Variants in RPS6KC1 observed in about 807,000 individuals in gnomAD.
RPS6KC1 encodes ribosomal protein S6 kinase C1.
RPS6KC1 carries 54 observed loss-of-function variants against 103.8 expected under a neutral mutation model. That is an observed-to-expected ratio of 0.52 (90% CI 0.42 to 0.65). The LOEUF is 0.65. Ranked by LOEUF, RPS6KC1 falls within the 30% of genes least tolerant of loss-of-function variation. The pLI is 0.00. For missense variants in RPS6KC1, 1,151 were observed against 1,253.8 expected (o/e 0.92, Z 1.24); for synonymous variants, 439 against 438.7 (o/e 1.00, Z -0.01).
At chr1:213,642,914 T>C in the RPS6KC1 span, among the ~76,000 whole-genome samples, 1 of 151,964 alleles carries the variant, frequency 6.6e-6, no homozygotes, top group African/African-American at 2.4e-5. Context: ...AAATATTTTA[T>C]CATTTTTCTA....
chr1:213,675,458 G>T, the RPS6KC1 span, among the ~76,000 whole-genome samples: 68 of 152,280 alleles, frequency 4.5e-4, 1 homozygote, highest in South Asian at 0.014. Flanking sequence ...TATGGCAAAA[G>T]GTAGGGGTCC....
At chr1:213,303,083 A>G in the RPS6KC1 span, among the ~76,000 whole-genome samples, 1 of 152,146 alleles carries the variant, frequency 6.6e-6, no homozygotes, top group Non-Finnish European at 1.5e-5. Context: ...CTGCTTTGTT[A>G]CCACAAAACT....
chr1:213,480,893 A>G, the RPS6KC1 span, among the ~76,000 whole-genome samples: 1 of 152,130 alleles, frequency 6.6e-6, no homozygotes, highest in Non-Finnish European at 1.5e-5. Flanking sequence ...ATAACTATGC[A>G]TATTATTCTT....
chr1:213,617,532 A>G, the RPS6KC1 span, among the ~76,000 whole-genome samples: 1 of 152,202 alleles, frequency 6.6e-6, no homozygotes, highest in Non-Finnish European at 1.5e-5. Flanking sequence ...TACCCATCAG[A>G]TAGTTAAATA....
At chr1:213,107,797 G>A (rs1458136937) in intron 4 of RPS6KC1, among the ~76,000 whole-genome samples, 1 of 152,136 alleles carries the variant, frequency 6.6e-6, no homozygotes, top group Non-Finnish European at 1.5e-5. Context: ...CCAACACTTG[G>A]TATTGTCTGA....
At chr1:213,692,755 C>G in the RPS6KC1 span, among the ~76,000 whole-genome samples, 1,372 of 152,310 alleles carry the variant, frequency 9.0e-3, 31 homozygotes, top group East Asian at 0.075. Context: ...CCTACTCACC[C>G]AGCTCCTCCT....
chr1:213,521,525 T>G, the RPS6KC1 span, among the ~76,000 whole-genome samples: 1 of 152,184 alleles, frequency 6.6e-6, no homozygotes, highest in East Asian at 1.9e-4. Context: ...CATCCATTGA[T>G]TCTTCCTTTC....
At chr1:213,056,905 C>T (rs1483148256) in intron 1 of RPS6KC1, among the ~76,000 whole-genome samples, 3 of 150,560 alleles carry the variant, frequency 2.0e-5, no homozygotes, top group African/African-American at 7.3e-5. Flanking sequence ...GTATCTCCTC[C>T]GTTATCATAA....
the RPS6KC1 span, among the ~76,000 whole-genome samples, chr1:213,791,584 G>A: frequency 2.0e-5 from 3 of 152,150 alleles, no homozygotes; most frequent in East Asian, 5.8e-4. Flanking sequence ...AAGAAACAAG[G>A]TGGGAGGTAA....
chr1:213,439,085 C>T, the RPS6KC1 span, among the ~76,000 whole-genome samples: 4 of 152,130 alleles, frequency 2.6e-5, no homozygotes, highest in Non-Finnish European at 2.9e-5. Flanking sequence ...TGAGCCACTG[C>T]GCCTGGCCAG....
At chr1:213,297,946 A>G in the RPS6KC1 span, among the ~76,000 whole-genome samples, 1 of 152,116 alleles carries the variant, frequency 6.6e-6, no homozygotes, top group Non-Finnish European at 1.5e-5. Flanking sequence ...TTAATTTCCC[A>G]TTCTTCTTCA....
At chr1:213,347,666 T>C in the RPS6KC1 span, among the ~76,000 whole-genome samples, 2 of 152,224 alleles carry the variant, frequency 1.3e-5, no homozygotes, top group Non-Finnish European at 2.9e-5. Flanking sequence ...ATCACAGCAC[T>C]GTGCTCCATC....
intron 5 of RPS6KC1, among the ~76,000 whole-genome samples, chr1:213,123,594 A>G (rs2084642398): frequency 6.6e-6 from 1 of 152,198 alleles, no homozygotes; most frequent in Non-Finnish European, 1.5e-5. Flanking sequence ...CTTAACTAGC[A>G]TTAAGCTTTG....
the RPS6KC1 span, among the ~76,000 whole-genome samples, chr1:213,626,866 T>A: frequency 6.6e-6 from 1 of 152,214 alleles, no homozygotes; most frequent in Admixed American, 6.5e-5. Context: ...GCGTGATGCC[T>A]CCAGCTTTGT....
At position 213,129,786 on chromosome 1, in the gene RPS6KC1, A is replaced by G. The variant is rs1201598973; in HGVS notation, c.732A>G (p.Gly244=). 1 of 1,614,088 alleles carries G rather than the reference A, an allele frequency of 6.2e-7. No individual in the cohort carries two copies. The highest frequency in any genetic ancestry group is 8.5e-7 in the Non-Finnish European group (1 of 1,179,988). Residue 244 remains glycine, a synonymous_variant, in exon 6 of 15, where the codon GGA becomes GGG. Coordinates refer to ENST00000366960, the MANE Select transcript of RPS6KC1 (RefSeq NM_012424.6). ...LGKRDYLEKA[G]ELIKLALKKE... ...AGAGAGATTATTTGGAGAAAGCAGG[A>G]GAATTAATAAAGCTGGCTTTAAAAA...
At chr1:213,301,150 C>T in the RPS6KC1 span, among the ~76,000 whole-genome samples, 1 of 152,212 alleles carries the variant, frequency 6.6e-6, no homozygotes, top group African/African-American at 2.4e-5. Flanking sequence ...TATTTGGAGA[C>T]ATCTGTTGTC....
the RPS6KC1 span, among the ~76,000 whole-genome samples, chr1:213,731,748 A>C: frequency 2.0e-5 from 3 of 152,344 alleles, no homozygotes; most frequent in South Asian, 6.2e-4. Flanking sequence ...ATCAATACAC[A>C]AAGATGAATG....
chr1:213,615,520 G>A, the RPS6KC1 span, among the ~76,000 whole-genome samples: 1 of 152,258 alleles, frequency 6.6e-6, no homozygotes, highest in Non-Finnish European at 1.5e-5. Flanking sequence ...ACTGCAGGCT[G>A]GTTGTGGCTG....
the RPS6KC1 span, among the ~76,000 whole-genome samples, chr1:213,432,681 T>C: frequency 6.6e-6 from 1 of 151,982 alleles, no homozygotes; most frequent in Admixed American, 6.6e-5. Context: ...CTGTTTTCTG[T>C]CATTGTAGAT....
Sources: allele counts gnomAD v4.1 joint callset (sites outside exome capture counted in the v4.1 genomes callset), GRCh38; gene constraint gnomAD v4.1.1; transcripts MANE v1.5; gene names NCBI Gene and HGNC (gene_info 2026-07-23, HGNC 2026-07-21).